Variants in RBFOX1 observed in about 807,000 individuals in gnomAD.
The protein encoded by RBFOX1 is RNA binding protein fox-1 homolog 1.
Under a neutral mutation model 57.7 loss-of-function variants are expected in RBFOX1, and 8 were observed. The ratio of observed to expected loss-of-function variants is 0.14; its 90% CI spans 0.08 to 0.25. RBFOX1 has a LOEUF of 0.25. Ranked by LOEUF, RBFOX1 falls within the 10% of genes least tolerant of loss-of-function variation. The pLI is 1.00. For missense variants in RBFOX1, 611 were observed against 548.5 expected (o/e 1.11, Z -1.14); for synonymous variants, 326 against 222.4 (o/e 1.47, Z -4.15).
At chr16:6,997,032 A>C (rs866874339) in intron 3 of RBFOX1, among the ~76,000 whole-genome samples, 1 of 152,148 alleles carries the variant, frequency 6.6e-6, no homozygotes, top group Non-Finnish European at 1.5e-5. Flanking sequence ...TTATATTTAT[A>C]TGCACGTATT....
At position 5,675,176 on chromosome 16, in the gene RBFOX1, T is replaced by C. The variant is rs548385575; in HGVS notation, c.318+76215T>C. Among the ~76,000 whole-genome samples, 3 of 151,968 alleles carry C rather than the reference T, an allele frequency of 2.0e-5. No homozygotes were observed. In the South Asian group the frequency reaches 6.3e-4, roughly 32 times the overall value. On this transcript the variant is annotated intron_variant, in intron 3 of 19. Transcript: ENST00000641259. ...AAAAGTGTGTGTATAGATATGAATATACACTGTATATATACATCCACATGC... is the reference window on the plus strand; with the variant it reads ...AAAAGTGTGTGTATAGATATGAATACACACTGTATATATACATCCACATGC...
intron 14 of RBFOX1, among the ~76,000 whole-genome samples, chr16:7,683,240 A>G (rs1387847596): frequency 2.0e-5 from 3 of 150,358 alleles, no homozygotes; most frequent in East Asian, 2.0e-4. Flanking sequence ...ATGCATGTCA[A>G]GCTCTCAGTA....
At chr16:7,468,772 C>A (rs2060996720) in intron 4 of RBFOX1, among the ~76,000 whole-genome samples, 1 of 152,088 alleles carries the variant, frequency 6.6e-6, no homozygotes, top group Admixed American at 6.5e-5. Flanking sequence ...TGGCTCCTCA[C>A]CCTTGTTTCT....
intron 3 of RBFOX1, among the ~76,000 whole-genome samples, chr16:6,736,548 T>C (rs59059654): frequency 0.094 from 14,247 of 152,274 alleles, 876 homozygotes; most frequent in East Asian, 0.17. Context: ...ATTTCTTTAT[T>C]CACTCATTGA....
At chr16:7,004,901 G>T (rs975451327) in intron 3 of RBFOX1, among the ~76,000 whole-genome samples, 2 of 152,098 alleles carry the variant, frequency 1.3e-5, no homozygotes, top group East Asian at 3.9e-4. Flanking sequence ...TGTAATTCCA[G>T]GACTTTGTAA....
chr16:5,856,194 T>A (rs1165978889), intron 3 of RBFOX1, among the ~76,000 whole-genome samples: 3 of 61,846 alleles, frequency 4.9e-5, no homozygotes, highest in Non-Finnish European at 1.0e-4. Context: ...TCTCTATATA[T>A]ATATATATAT....
chr16:6,911,711 T>A (rs2071654093), intron 3 of RBFOX1, among the ~76,000 whole-genome samples: 1 of 152,232 alleles, frequency 6.6e-6, no homozygotes, highest in African/African-American at 2.4e-5. Context: ...ACCTGCTATT[T>A]AATAACACTT....
chr16:5,587,126 C>T (rs2046859888), intron 2 of RBFOX1, among the ~76,000 whole-genome samples: 2 of 152,110 alleles, frequency 1.3e-5, no homozygotes, highest in African/African-American at 2.4e-5. Context: ...GACCAAGATG[C>T]TTTAGGATAA....
chr16:5,977,076 C>A (rs779226492), intron 4 of RBFOX1, among the ~76,000 whole-genome samples: 1 of 152,024 alleles, frequency 6.6e-6, no homozygotes, highest in African/African-American at 2.4e-5. Context: ...GTCTCAGAGC[C>A]CAGGAATCTG....
chr16:6,112,426 C>CA (rs2096456490), intron 1 of RBFOX1, among the ~76,000 whole-genome samples: 3 of 152,302 alleles, frequency 2.0e-5, no homozygotes, highest in African/African-American at 7.2e-5. Flanking sequence ...CACGGTGACT[C>CA]ACGCCTGTAA....
chr16:5,570,602 G>T (rs1228415692), intron 2 of RBFOX1, among the ~76,000 whole-genome samples: 1 of 152,132 alleles, frequency 6.6e-6, no homozygotes, highest in African/African-American at 2.4e-5. Context: ...CACTTTGGGA[G>T]GCCAAGGAAG....
Position 6,097,578 on chromosome 16 carries a change from G to A in RBFOX1, c.-127+77586G>A, listed in dbSNP as rs1383461494. Among the ~76,000 whole-genome samples the A allele has an allele frequency of 6.6e-6, 1 of 152,158 alleles. No individual in the cohort carries two copies. Among genetic ancestry groups the A allele is most frequent in the Non-Finnish European group, 1.5e-5 (1 of 68,036 alleles). On this transcript the variant is annotated intron_variant, in intron 1 of 15. Transcript: ENST00000550418. The surrounding 1 kb of genome is among the most constrained non-coding windows in gnomAD (Gnocchi z 5.0). ...TATAAGAACCTCTGCTGCACAGGGA[G>A]ACCTCACTTTCATTATTCTCATTTC...
intron 1 of RBFOX1, among the ~76,000 whole-genome samples, chr16:6,207,584 A>G (rs554440538): frequency 6.6e-6 from 1 of 152,366 alleles, no homozygotes; most frequent in African/African-American, 2.4e-5. Context: ...AACATACCTA[A>G]GAAACAGATT....
At chr16:6,062,363 C>T (rs1231800417) in intron 1 of RBFOX1, among the ~76,000 whole-genome samples, 1 of 151,946 alleles carries the variant, frequency 6.6e-6, no homozygotes, top group Non-Finnish European at 1.5e-5. Context: ...GGTAGGTCCC[C>T]CTGGCAACCA....
At chr16:7,625,415 A>G (rs1259222997) in intron 10 of RBFOX1, among the ~76,000 whole-genome samples, 2 of 152,132 alleles carry the variant, frequency 1.3e-5, no homozygotes, top group East Asian at 1.9e-4. Context: ...TACCCTTACT[A>G]TCTGCCTAAA....
chr16:5,733,231 C>A (rs1383139863), intron 3 of RBFOX1, among the ~76,000 whole-genome samples: 1 of 152,196 alleles, frequency 6.6e-6, no homozygotes, highest in Non-Finnish European at 1.5e-5. Flanking sequence ...AACACAGTTT[C>A]TAAACTTTCA....
intron 4 of RBFOX1, among the ~76,000 whole-genome samples, chr16:5,925,777 C>T (rs2058927955): frequency 6.6e-6 from 1 of 152,146 alleles, no homozygotes. Flanking sequence ...CAGGTCTCTT[C>T]CACCCTCTTT....
At chr16:6,240,396 A>C (rs752563824) in intron 1 of RBFOX1, among the ~76,000 whole-genome samples, 2 of 152,072 alleles carry the variant, frequency 1.3e-5, no homozygotes, top group Admixed American at 6.6e-5. Flanking sequence ...GATGGTGTGT[A>C]GTGTGGGTGG....
At chr16:6,118,723 TTC>T (rs142211309) in intron 1 of RBFOX1, among the ~76,000 whole-genome samples, 1,508 of 143,154 alleles carry the variant, frequency 0.011, 24 homozygotes, top group East Asian at 0.042. Context: ...TTCTCCCTCT[TTC>T]TCTCTCTCTC....
Sources: allele counts gnomAD v4.1 joint callset (sites outside exome capture counted in the v4.1 genomes callset), GRCh38; gene constraint gnomAD v4.1.1; non-coding constraint Gnocchi (gnomAD v3.1); transcripts MANE v1.5; gene names NCBI Gene and HGNC (gene_info 2026-07-23, HGNC 2026-07-21).